GPR158: variants seen among roughly 807,000 people sequenced by gnomAD.
GPR158 encodes G protein-coupled receptor 158, also known as metabotropic glycine receptor.
In GPR158, 30 loss-of-function variants were observed where a neutral mutation model predicts 78.2. That is an observed-to-expected ratio of 0.38 (90% CI 0.29 to 0.52). The LOEUF (loss-of-function observed/expected upper bound fraction) is 0.52, where lower values mean the gene tolerates loss of function less well. Among genes scored for constraint, GPR158 ranks in the 20% least tolerant of loss-of-function variants. The pLI, the probability that GPR158 is intolerant of heterozygous loss-of-function variation, is 0.83. For missense variants in GPR158, 1,463 were observed against 1,523.5 expected, an observed-to-expected ratio of 0.96 and a Z score of 0.66; for synonymous variants, 581 against 591.1, an observed-to-expected ratio of 0.98 and a Z score of 0.25.
chr10:25,418,454 A>AT (rs1484546506), intron 4 of GPR158, among the ~76,000 whole-genome samples: 3 of 152,172 alleles, frequency 2.0e-5, no homozygotes, highest in African/African-American at 7.2e-5. Flanking sequence ...ATTTGTCCCT[A>AT]TGCCTTTGGT....
At chr10:25,504,715 A>G (rs747048621) in intron 5 of GPR158, among the ~76,000 whole-genome samples, 3 of 152,108 alleles carry the variant, frequency 2.0e-5, no homozygotes, top group African/African-American at 4.8e-5. Flanking sequence ...GCTTTTTCCT[A>G]CTGACCTAAC....
intron 2 of GPR158, among the ~76,000 whole-genome samples, chr10:25,371,177 T>A (rs1470601285): frequency 4.0e-5 from 6 of 149,666 alleles, no homozygotes; most frequent in African/African-American, 9.9e-5. Flanking sequence ...CATTTAAAGT[T>A]AATATTGTTA....
At chr10:25,241,307 T>TCACTTC (rs1380153936) in intron 2 of GPR158, among the ~76,000 whole-genome samples, 1 of 138,268 alleles carries the variant, frequency 7.2e-6, no homozygotes, top group African/African-American at 3.0e-5. Flanking sequence ...TTCTTTTCTT[T>TCACTTC]TCTTTTCTCT....
intron 5 of GPR158, among the ~76,000 whole-genome samples, chr10:25,528,553 C>T (rs900847126): frequency 6.6e-6 from 1 of 151,970 alleles, no homozygotes; most frequent in Non-Finnish European, 1.5e-5. Context: ...CCTAAAAGCA[C>T]TAAATACATA....
intron 2 of GPR158, chr10:25,244,270 T>C (rs1306562236): frequency 6.6e-6 from 1 of 152,212 alleles, no homozygotes; most frequent in African/African-American, 2.4e-5. Context: ...TTCATATGTT[T>C]CTCAATTATT....
chr10:25,597,822 G>C lies in GPR158; in HGVS notation c.2196G>C (p.Lys732Asn). The C allele has an allele frequency of 1.3e-6, 2 of 1,523,524 alleles. No individual in the cohort carries two copies. The highest frequency in any genetic ancestry group is 1.8e-6 in the Non-Finnish European group (2 of 1,138,574). The allele number at this position is 1,523,524 out of a possible 1,614,324, so 94.4% of individuals were successfully genotyped here. A position where few individuals can be genotyped will look rare whatever the true frequency, so the allele number is the denominator to read the frequency against. The change falls in exon 11 of 11, where the codon AAG (lysine) becomes AAC (asparagine). Residue 732 changes from lysine to asparagine, a missense_variant. Coordinates refer to ENST00000376351, the MANE Select transcript of GPR158 (RefSeq NM_020752.3). ...YAQLEIYKRK[K>N]MITNNPHLQK... ...AACTGGAAATATATAAAAGAAAGAA[G>C]ATGATCACAAACAACCCCCACCTCC... is the stretch of plus-strand genomic sequence containing the variant.
rs747731934 is a variant in GPR158 at position 25,599,073 on chromosome 10, G to C, written c.3447G>C (p.Glu1149Asp). Residue 1149 changes from glutamate (E) to aspartate (D), a missense_variant, in exon 11 of 11, where the codon GAG (glutamate) becomes GAC (aspartate). Glu to Asp is a conservative substitution (Grantham distance 45). Transcript: ENST00000376351. ...AAAAAAAGACATCTTCTTCTGAGGA[G>C]AATGTGCGTGGCTCCTATAACTCAA... ...HQEKKTSSSE[E>D]NVRGSYNSSN... 1 of 1,613,616 alleles carries C rather than the reference G, an allele frequency of 6.2e-7. No homozygotes were observed. Among genetic ancestry groups the C allele is most frequent in the Admixed American group, 1.7e-5 (1 of 60,012 alleles).
chr10:25,360,302 GT>G (rs1238383347), intron 2 of GPR158, among the ~76,000 whole-genome samples: 2 of 152,162 alleles, frequency 1.3e-5, no homozygotes, highest in Non-Finnish European at 2.9e-5. Context: ...TGCTTTTGGT[GT>G]TTTAGTCATG....
chr10:25,562,847 C>A (rs1176164176), intron 6 of GPR158, among the ~76,000 whole-genome samples: 1 of 152,112 alleles, frequency 6.6e-6, no homozygotes, highest in Non-Finnish European at 1.5e-5. Flanking sequence ...GTGCAGATAT[C>A]CAATCCATTA....
chr10:25,249,271 A>T (rs973306289), intron 2 of GPR158, among the ~76,000 whole-genome samples: 57 of 152,230 alleles, frequency 3.7e-4, no homozygotes, highest in African/African-American at 1.3e-3. Context: ...GGACAATTTG[A>T]CTTCCCCTTT....
At chr10:25,317,248 A>G (rs1327850728) in intron 2 of GPR158, among the ~76,000 whole-genome samples, 2 of 151,678 alleles carry the variant, frequency 1.3e-5, no homozygotes, top group East Asian at 3.9e-4. Flanking sequence ...GGGTTTCACC[A>G]TGTTGGTCAG....
chr10:25,198,767 A>ACGTTG (rs1210109070), intron 1 of GPR158, among the ~76,000 whole-genome samples: 1 of 152,120 alleles, frequency 6.6e-6, no homozygotes, highest in Non-Finnish European at 1.5e-5. Context: ...AAATGCTGTG[A>ACGTTG]CGTTGCGTTC....
intron 2 of GPR158, among the ~76,000 whole-genome samples, chr10:25,257,114 A>G (rs1588762315): frequency 6.6e-6 from 1 of 152,322 alleles, no homozygotes; most frequent in East Asian, 1.9e-4. Context: ...GTCCAAGAGC[A>G]TAGAATTGGC....
intron 5 of GPR158, among the ~76,000 whole-genome samples, chr10:25,547,953 T>C (rs558546659): frequency 6.6e-6 from 1 of 152,304 alleles, no homozygotes; most frequent in African/African-American, 2.4e-5. Flanking sequence ...ATTCACTCTA[T>C]GAAAGTATAA....
At chr10:25,559,085 C>T (rs565959470) in intron 6 of GPR158, among the ~76,000 whole-genome samples, 1 of 152,146 alleles carries the variant, frequency 6.6e-6, no homozygotes, top group Non-Finnish European at 1.5e-5. Flanking sequence ...CTATTTTCTT[C>T]ACTGTTCTTT....
intron 7 of GPR158, among the ~76,000 whole-genome samples, chr10:25,575,079 A>AAAT (rs993048409): frequency 6.6e-6 from 1 of 151,780 alleles, no homozygotes; most frequent in African/African-American, 2.4e-5. Flanking sequence ...AAAAAAAAAA[A>AAAT]AATAGTGAAG....
intron 4 of GPR158, among the ~76,000 whole-genome samples, chr10:25,433,404 A>C (rs1031780224): frequency 6.6e-6 from 1 of 152,248 alleles, no homozygotes. Context: ...AAGTTCTTCC[A>C]TAGCACCAGT....
intron 10 of GPR158, 129 bp downstream of exon 10, chr10:25,596,918 G>A (rs1837416347): frequency 1.3e-6 from 1 of 747,910 alleles, no homozygotes; most frequent in Admixed American, 2.6e-5. Context: ...CTCAGAAAGA[G>A]GGAATGTGTT....
chr10:25,313,595 A>C (rs571096219), intron 2 of GPR158, among the ~76,000 whole-genome samples: 1 of 152,124 alleles, frequency 6.6e-6, no homozygotes, highest in Non-Finnish European at 1.5e-5. Flanking sequence ...TATGGCCATA[A>C]TGATGTCATT....
Sources: allele counts gnomAD v4.1 joint callset (sites outside exome capture counted in the v4.1 genomes callset), GRCh38; gene constraint gnomAD v4.1.1; transcripts MANE v1.5; gene names NCBI Gene and HGNC (gene_info 2026-07-23, HGNC 2026-07-21).